Variants in LZTS1 observed in about 807,000 individuals in gnomAD.
LZTS1 encodes leucine zipper tumor suppressor 1, also known as leucine zipper putative tumor suppressor 1.
Under a neutral mutation model 45.8 loss-of-function variants are expected in LZTS1, and 31 were observed. That is an observed-to-expected ratio of 0.68 (90% CI 0.51 to 0.91). LZTS1 has a LOEUF of 0.91. Among genes scored for constraint, LZTS1 ranks in the 40% least tolerant of loss-of-function variants. The pLI is 0.00. For missense variants in LZTS1, 821 were observed against 788.9 expected, an observed-to-expected ratio of 1.04 and a Z score of -0.49; for synonymous variants, 359 against 357.3, an observed-to-expected ratio of 1.00 and a Z score of -0.05.
intron 1 of LZTS1, among the ~76,000 whole-genome samples, chr8:20,265,355 C>G (rs1316691584): frequency 6.6e-6 from 1 of 152,086 alleles, no homozygotes; most frequent in African/African-American, 2.4e-5. Flanking sequence ...AAAAGAGGAG[C>G]AAGGCCTCTC....
intron 1 of LZTS1, among the ~76,000 whole-genome samples, chr8:20,258,545 T>G (rs773877748): frequency 1.6e-4 from 25 of 152,190 alleles, no homozygotes; most frequent in Non-Finnish European, 3.1e-4. Flanking sequence ...ACAACAAAAC[T>G]TCGTTGTGTA....
chr8:20,246,627 T>G lies in LZTS1; in HGVS notation c.*3095A>C, dbSNP rs1307762568. On this transcript the variant is annotated 3_prime_UTR_variant, in exon 4 of 4. Transcript: ENST00000381569. ...ACTGAGTGCCTCTCTGGGGAAGAGA[T>G]GCCCCCATATCCCAGTCCCATGTGA... 1 of 152,308 alleles carries G rather than the reference T, an allele frequency of 6.6e-6. No homozygotes were observed. The highest frequency in any genetic ancestry group is 1.9e-4 in the East Asian group (1 of 5,198). The allele number at this position is 152,308 out of a possible 1,614,324, so 9.4% of individuals were successfully genotyped here.
chr8:20,292,499 T>A (rs1240535224), intron 1 of LZTS1, among the ~76,000 whole-genome samples: 3 of 152,186 alleles, frequency 2.0e-5, no homozygotes, highest in Non-Finnish European at 4.4e-5. Flanking sequence ...GCCTTTGCTG[T>A]CACAGAACCC....
chr8:20,272,535 C>A (rs2128896129), intron 1 of LZTS1, among the ~76,000 whole-genome samples: 2 of 152,260 alleles, frequency 1.3e-5, no homozygotes, highest in East Asian at 3.9e-4. Flanking sequence ...AGAATCAAGA[C>A]CCCCTAGCTG....
At chr8:20,274,613 C>G (rs982504256) in intron 1 of LZTS1, among the ~76,000 whole-genome samples, 1 of 152,156 alleles carries the variant, frequency 6.6e-6, no homozygotes, top group Non-Finnish European at 1.5e-5. Flanking sequence ...GACAGCGTAA[C>G]CCAATGGGGC....
In LZTS1 at chr8:20,252,881, C is replaced by T. The variant is rs1799969374; in HGVS notation, c.1050G>A (p.Glu350=). The T allele has an allele frequency of 6.2e-7, 1 of 1,611,140 alleles. No individual in the cohort carries two copies. The highest frequency in any genetic ancestry group is 1.3e-5 in the African/African-American group (1 of 74,904). ...QEKRQLRQEL[E]SLMKEQDLLE... is the part of the protein sequence containing the mutation. The stretch of plus-strand genomic sequence containing the variant: ...GCAGGTCCTGCTCCTTCATGAGGCT[C>T]TCGAGCTCCTGCCGGAGCTGCCGCT... Residue 350 remains glutamate, a synonymous_variant, in exon 3 of 4, where the codon GAG becomes GAA. Transcript: ENST00000381569.
At position 20,250,109 on chromosome 8, in the gene LZTS1, C is replaced by T; in HGVS notation, c.1404G>A (p.Val468=). 2 of 1,607,294 alleles carry T rather than the reference C, an allele frequency of 1.2e-6. No homozygotes were observed. The highest frequency in any genetic ancestry group is 1.7e-6 in the Non-Finnish European group (2 of 1,179,294). Residue 468 remains valine, a synonymous_variant, in exon 4 of 4, where the codon GTG becomes GTA. Coordinates refer to ENST00000381569, the MANE Select transcript of LZTS1 (RefSeq NM_021020.5). ...CCTGCAGCTCCTGCTCCAGCAGGTT[C>T]ACCTTCTCCCGCAGCAGCTCCGCCT... is the stretch of plus-strand genomic sequence containing the variant. ...KNEAELLREK[V]NLLEQELQEL... is the part of the protein sequence containing the mutation.
intron 1 of LZTS1, among the ~76,000 whole-genome samples, chr8:20,274,035 C>T (rs999700755): frequency 7.9e-5 from 12 of 152,208 alleles, no homozygotes; most frequent in African/African-American, 2.9e-4. Context: ...GGCCCAAAGC[C>T]CCTGGGACTT....
intron 1 of LZTS1, among the ~76,000 whole-genome samples, chr8:20,263,283 G>A (rs1483303334): frequency 6.5e-4 from 98 of 151,914 alleles, no homozygotes; most frequent in African/African-American, 2.3e-3. Context: ...GAGCCTCGAG[G>A]CCCCTCTGGG....
intron 1 of LZTS1, among the ~76,000 whole-genome samples, chr8:20,265,622 T>A (rs534104979): frequency 1.6e-5 from 2 of 128,118 alleles, no homozygotes; most frequent in African/African-American, 6.1e-5. Flanking sequence ...GAGGTTGCAA[T>A]GAGCTATGAT....
chr8:20,294,851 A>G (rs1234760388), intron 1 of LZTS1, among the ~76,000 whole-genome samples: 1 of 151,972 alleles, frequency 6.6e-6, no homozygotes. Flanking sequence ...TACAGACACC[A>G]GGCATGGGGC....
In LZTS1 at chr8:20,253,458, T is replaced by C; in HGVS notation, c.473A>G (p.Lys158Arg). 6.2e-7 allele frequency: 1 copy of C among 1,610,144 alleles called. No individual in the cohort carries two copies. The highest frequency in any genetic ancestry group is 1.7e-4 in the Middle Eastern group (1 of 6,036). Residue 158 changes from lysine to arginine, a missense_variant, in exon 3 of 4, where the codon AAG becomes AGG. Physicochemically the swap from Lys to Arg is conservative, Grantham distance 26. Coordinates refer to ENST00000381569, the MANE Select transcript of LZTS1 (RefSeq NM_021020.5). The part of the protein sequence containing the change: ...QLHPAPPDKP[K>R]EQELKPGLCS... The stretch of plus-strand genomic sequence containing the variant: ...CAGGCCAGGCTTCAGCTCCTGCTCC[T>C]TGGGCTTGTCTGGAGGGGCGGGGTG...
In LZTS1 at chr8:20,255,187, C is replaced by G; in HGVS notation, c.-6G>C. ...AGGCTACTGACGCTGCCCATGGTGACTCGGGGCTGAGGATGGGGCAGGGCC... is the reference window on the plus strand; with the variant it reads ...AGGCTACTGACGCTGCCCATGGTGAGTCGGGGCTGAGGATGGGGCAGGGCC... On this transcript the variant is annotated 5_prime_UTR_variant, in exon 2 of 4. Transcript: ENST00000381569. 1 of 1,607,818 alleles carries G rather than the reference C, an allele frequency of 6.2e-7. No homozygotes were observed. Among genetic ancestry groups the G allele is most frequent in the Non-Finnish European group, 8.5e-7 (1 of 1,176,844 alleles).
intron 1 of LZTS1, among the ~76,000 whole-genome samples, chr8:20,284,055 T>A (rs1800744288): frequency 2.0e-5 from 3 of 152,188 alleles, no homozygotes; most frequent in Admixed American, 6.5e-5. Context: ...AGGTCAGGCA[T>A]CCTGGACTTG....
Position 20,288,083 on chromosome 8 carries a change from G to A in LZTS1, c.-135+15657C>T, listed in dbSNP as rs530457566. Among the ~76,000 whole-genome samples the A allele has an allele frequency of 2.0e-5, 3 of 152,076 alleles. No homozygotes were observed. The East Asian group carries it at 5.8e-4, about 30-fold the overall frequency. Reference sequence around the variant, plus strand: ...CTCTCCCTGCCCCAGGTGCAATCCTGTCTCCTGCTCCGTCTCAGCCTCACA... The same window carrying A: ...CTCTCCCTGCCCCAGGTGCAATCCTATCTCCTGCTCCGTCTCAGCCTCACA... On this transcript the variant is annotated intron_variant, in intron 1 of 3. Transcript: ENST00000381569.
At chr8:20,289,274 G>A (rs902444007) in intron 1 of LZTS1, 2 of 151,972 alleles carry the variant, frequency 1.3e-5, no homozygotes, top group African/African-American at 4.8e-5. Flanking sequence ...CCTGAGGACA[G>A]ACCCTCCCCT....
At chr8:20,261,632 G>A (rs570111182) in intron 1 of LZTS1, among the ~76,000 whole-genome samples, 76 of 152,356 alleles carry the variant, frequency 5.0e-4, no homozygotes, top group African/African-American at 1.8e-3. Context: ...TTTCTGGAAT[G>A]TGGAGAGAGA....
At chr8:20,278,721 A>AAATG (rs939456716) in intron 1 of LZTS1, among the ~76,000 whole-genome samples, 2 of 152,306 alleles carry the variant, frequency 1.3e-5, no homozygotes, top group East Asian at 1.9e-4. Flanking sequence ...CATATTCATC[A>AAATG]AATGAATGAA....
At chr8:20,300,981 C>A (rs911463588) in intron 1 of LZTS1, among the ~76,000 whole-genome samples, 1 of 152,042 alleles carries the variant, frequency 6.6e-6, no homozygotes. Flanking sequence ...ATTAGCCAGG[C>A]GTGGTGGCAG....
Sources: gnomAD v4.1 joint callset for allele counts (sites outside exome capture counted in the v4.1 genomes callset) on GRCh38, gnomAD v4.1.1 for gene constraint, MANE v1.5 for transcripts, NCBI Gene and HGNC (gene_info 2026-07-23, HGNC 2026-07-21) for gene names.